Variants in NWD2 observed in about 807,000 individuals in gnomAD.
NWD2 encodes the protein NACHT and WD repeat domain-containing protein 2.
A neutral mutation model predicts 132.7 loss-of-function variants in NWD2; 37 were observed. That is an observed-to-expected ratio of 0.28 (90% CI 0.21 to 0.37). The LOEUF is 0.37. Among genes scored for constraint, NWD2 ranks in the 10% least tolerant of loss-of-function variants. The probability of loss-of-function intolerance (pLI) is 1.00; values close to 1 mark genes in which losing one functional copy is unlikely to be tolerated. For synonymous variants in NWD2, 705 were observed against 803.0 expected (o/e 0.88, Z 2.06); for missense variants, 1,592 against 2,122.4 (o/e 0.75, Z 4.91).
intron 6 of NWD2, among the ~76,000 whole-genome samples, chr4:37,441,766 G>A (rs1198044630): frequency 1.3e-5 from 2 of 152,184 alleles, no homozygotes; most frequent in Non-Finnish European, 1.5e-5. Context: ...CCTGGGGAAT[G>A]TCTGACTCAC....
intron 1 of NWD2, among the ~76,000 whole-genome samples, chr4:37,305,254 C>G (rs143402657): frequency 3.3e-5 from 5 of 152,314 alleles, no homozygotes; most frequent in Admixed American, 1.3e-4. Context: ...CTATTTTTCC[C>G]TTCTAGGTCT....
intron 1 of NWD2, among the ~76,000 whole-genome samples, chr4:37,312,583 A>G (rs1718869458): frequency 6.6e-6 from 1 of 150,886 alleles, no homozygotes; most frequent in Admixed American, 6.6e-5. Context: ...AAACAGGGAC[A>G]ATTTGACTTC....
intron 2 of NWD2, among the ~76,000 whole-genome samples, chr4:37,350,000 A>G (rs772305525): frequency 1.3e-5 from 2 of 152,130 alleles, no homozygotes; most frequent in Non-Finnish European, 2.9e-5. Flanking sequence ...GATTGTAGAT[A>G]TGTGGCATTA....
In NWD2 at chr4:37,411,590, T is replaced by C. The variant is rs1266922080; in HGVS notation, c.358-18982T>C. 2.0e-5 allele frequency among the ~76,000 whole-genome samples: 3 copies of C among 152,182 alleles called. No individual in the cohort carries two copies. In the East Asian group the frequency reaches 5.8e-4, roughly 29 times the overall value. On this transcript the variant is annotated intron_variant, in intron 3 of 6. Coordinates refer to ENST00000309447, the MANE Select transcript of NWD2 (RefSeq NM_001144990.2). ...GCTGGTACCATTCCTTCTGAAACTA[T>C]TCCAAACAAAAGAAAAAGAGGGAAT...
intron 6 of NWD2, among the ~76,000 whole-genome samples, chr4:37,442,730 G>T (rs1431432707): frequency 6.6e-6 from 1 of 151,886 alleles, no homozygotes; most frequent in African/African-American, 2.4e-5. Flanking sequence ...AATCATAAAA[G>T]ATTATATTCA....
intron 1 of NWD2, among the ~76,000 whole-genome samples, chr4:37,285,354 C>T (rs549000033): frequency 4.6e-5 from 7 of 152,166 alleles, no homozygotes; most frequent in East Asian, 3.9e-4. Context: ...GAAAACACTG[C>T]GGCTGCCAAA....
chr4:37,360,097 A>T (rs1719949762), intron 3 of NWD2, among the ~76,000 whole-genome samples: 1 of 152,198 alleles, frequency 6.6e-6, no homozygotes, highest in African/African-American at 2.4e-5. Flanking sequence ...ACTTAATTGT[A>T]CTTTAGTGAT....
chr4:37,424,641 A>G (rs1711940250), intron 3 of NWD2, among the ~76,000 whole-genome samples: 1 of 152,140 alleles, frequency 6.6e-6, no homozygotes, highest in Admixed American at 6.5e-5. Context: ...GTGGAGGAGG[A>G]TGAGTGGAGA....
rs1213121614 is a variant in NWD2 at position 37,446,443 on chromosome 4, A to G, written c.4455A>G (p.Lys1485=). Residue 1485 remains lysine (K), a synonymous_variant, in exon 7 of 7, where the codon AAA becomes AAG. Coordinates refer to ENST00000309447, the MANE Select transcript of NWD2 (RefSeq NM_001144990.2). The surrounding 1 kb of genome is among the most constrained non-coding windows in gnomAD (Gnocchi z 6.7). ...ATGGGACCACCATCGTGAATTTTAA[A>G]TTAATCCCTGACTGTCCTGATATCA... The part of the protein sequence containing the change: ...CEDGTTIVNF[K]LIPDCPDIIV... 5 of 1,551,798 alleles carry G rather than the reference A, an allele frequency of 3.2e-6. No homozygotes were observed. Among genetic ancestry groups the G allele is most frequent in the East Asian group, 4.9e-5 (2 of 40,928 alleles).
At chr4:37,341,055 G>C (rs1719508209) in intron 2 of NWD2, among the ~76,000 whole-genome samples, 1 of 152,170 alleles carries the variant, frequency 6.6e-6, no homozygotes, top group Non-Finnish European at 1.5e-5. Flanking sequence ...ACGATGGTTT[G>C]ACTTACGATT....
intron 3 of NWD2, among the ~76,000 whole-genome samples, chr4:37,416,945 GA>G (rs1711630156): frequency 6.6e-6 from 1 of 151,790 alleles, no homozygotes. Flanking sequence ...GAACTGGGGG[GA>G]AAGGGTGGGA....
chr4:37,252,364 C>T (rs1717395141), intron 1 of NWD2, among the ~76,000 whole-genome samples: 2 of 152,128 alleles, frequency 1.3e-5, no homozygotes, highest in Admixed American at 6.5e-5. Flanking sequence ...AAAAAATCAG[C>T]TTATGGATCT....
intron 1 of NWD2, among the ~76,000 whole-genome samples, chr4:37,259,868 G>A (rs999118579): frequency 9.9e-5 from 15 of 152,190 alleles, no homozygotes; most frequent in Admixed American, 9.8e-4. Flanking sequence ...GAGCCACTGA[G>A]GGAAGAAGAG....
intron 1 of NWD2, among the ~76,000 whole-genome samples, chr4:37,255,937 A>T (rs1717510493): frequency 6.6e-6 from 1 of 152,238 alleles, no homozygotes; most frequent in Non-Finnish European, 1.5e-5. Flanking sequence ...GAAGCCAGGA[A>T]GGGTTATTCA....
At chr4:37,423,647 T>C (rs1418959120) in intron 3 of NWD2, among the ~76,000 whole-genome samples, 2 of 152,230 alleles carry the variant, frequency 1.3e-5, no homozygotes, top group East Asian at 1.9e-4. Context: ...GATTGCATGG[T>C]GCATACCCAG....
chr4:37,447,805 C>A lies in NWD2; in HGVS notation c.*588C>A, dbSNP rs577646818. 1 of 153,292 alleles carries A rather than the reference C, an allele frequency of 6.5e-6. No homozygotes were observed. Among genetic ancestry groups the A allele is most frequent in the South Asian group, 2.1e-4 (1 of 4,874 alleles). The allele number at this position is 153,292 out of a possible 1,614,324, so 9.5% of individuals were successfully genotyped here. ...CATGAGACTGTGGACTGGACTGGGACAAGAACTAACTACCACTATCATAGG... is the reference window on the plus strand; with the variant it reads ...CATGAGACTGTGGACTGGACTGGGAAAAGAACTAACTACCACTATCATAGG... On this transcript the variant is annotated 3_prime_UTR_variant, in exon 7 of 7. Transcript: ENST00000309447.
At chr4:37,371,072 C>CTTT (rs1309185055) in intron 3 of NWD2, among the ~76,000 whole-genome samples, 2,084 of 100,238 alleles carry the variant, frequency 0.021, 138 homozygotes, top group African/African-American at 0.053. Flanking sequence ...ATTTTTTTTT[C>CTTT]TTTTTCTTTT....
intron 6 of NWD2, among the ~76,000 whole-genome samples, chr4:37,442,802 T>C (rs185453607): frequency 6.6e-6 from 1 of 152,292 alleles, no homozygotes; most frequent in African/African-American, 2.4e-5. Flanking sequence ...TGGTCAGCCA[T>C]ATATGACATT....
At chr4:37,268,553 C>T (rs142784971) in intron 1 of NWD2, among the ~76,000 whole-genome samples, 13 of 151,884 alleles carry the variant, frequency 8.6e-5, no homozygotes, top group Non-Finnish European at 1.3e-4. Flanking sequence ...AGTTAATATG[C>T]GGTTATCACA....
Sources: allele counts gnomAD v4.1 joint callset (sites outside exome capture counted in the v4.1 genomes callset), GRCh38; gene constraint gnomAD v4.1.1; non-coding constraint Gnocchi (gnomAD v3.1); transcripts MANE v1.5; gene names NCBI Gene and HGNC (gene_info 2026-07-23, HGNC 2026-07-21).